The following AKAP9 variants were observed in gnomAD, a reference collection of about 807,000 sequenced individuals.
AKAP9 encodes A-kinase anchor protein 9.
AKAP9 carries 311 observed loss-of-function variants against 488.5 expected under a neutral mutation model. The ratio of observed to expected loss-of-function variants is 0.64; its 90% CI spans 0.58 to 0.70. The LOEUF is 0.70. AKAP9 is among the 30% of genes least tolerant of loss of function. AKAP9 has a pLI of 0.00. For missense variants in AKAP9, 4,215 were observed against 4,374.5 expected, an observed-to-expected ratio of 0.96 and a Z score of 1.03; for synonymous variants, 1,462 against 1,483.5, an observed-to-expected ratio of 0.99 and a Z score of 0.33.
At chr7:91,992,661 CAA>C (rs770870521) in intron 4 of AKAP9, among the ~76,000 whole-genome samples, 7 of 46,630 alleles carry the variant, frequency 1.5e-4, no homozygotes, top group African/African-American at 1.6e-4. Context: ...AAGACTCTGT[CAA>C]AAAAAAAAAA....
rs192538766 is a variant in AKAP9, at chr7:91,956,368, C to G, written c.48+15221C>G. On this transcript the variant is annotated intron_variant, in intron 1 of 49. Transcript: ENST00000356239. ...TGGGCCGAGATTGCACCACTGCACT[C>G]CAGCCTGGGCAACAGAGTGAGACTC... Among the ~76,000 whole-genome samples the G allele has an allele frequency of 8.2e-5, 12 of 146,552 alleles. No homozygotes were observed. The East Asian group carries it at 2.2e-3, about 27-fold the overall frequency.
intron 26 of AKAP9, among the ~76,000 whole-genome samples, chr7:92,067,550 T>A (rs1342000081): frequency 6.6e-6 from 1 of 152,176 alleles, no homozygotes; most frequent in Non-Finnish European, 1.5e-5. Context: ...TAAATCCCAC[T>A]TGTCACTTGT....
chr7:91,959,325 T>C (rs759893064), intron 1 of AKAP9, among the ~76,000 whole-genome samples: 1 of 152,172 alleles, frequency 6.6e-6, no homozygotes, highest in Non-Finnish European at 1.5e-5. Flanking sequence ...GATCTCACTC[T>C]GTTGCCCAGG....
At chr7:92,027,372 G>A (rs1182321696) in intron 14 of AKAP9, among the ~76,000 whole-genome samples, 45 of 146,032 alleles carry the variant, frequency 3.1e-4, no homozygotes, top group African/African-American at 1.0e-3. Context: ...CGTCTGGGAT[G>A]TGAGGAGCGC....
Position 92,038,435 on chromosome 7 carries a change from G to A in AKAP9, c.4355G>A (p.Ser1452Asn), listed in dbSNP as rs1805531517. ...TTTCTTTAGGTTATTGTGTCAATGAGTATAGCATTTGCTCAACAAACTGAA... is the reference window on the plus strand; with the variant it reads ...TTTCTTTAGGTTATTGTGTCAATGAATATAGCATTTGCTCAACAAACTGAA... ...EEVAKVIVSM[S>N]IAFAQQTELS... Residue 1452 changes from serine (S) to asparagine (N), a missense_variant, in exon 17 of 50, where the codon AGT becomes AAT. Ser to Asn is a conservative substitution (Grantham distance 46). Coordinates refer to ENST00000356239, the MANE Select transcript of AKAP9 (RefSeq NM_005751.5). 2 of 1,612,632 alleles carry A rather than the reference G, an allele frequency of 1.2e-6. No homozygotes were observed. The highest frequency in any genetic ancestry group is 1.7e-5 in the Admixed American group (1 of 59,970).
Position 91,992,891 on chromosome 7 carries a change from G to T in AKAP9, c.412G>T (p.Glu138Ter). The change falls in exon 5 of 50, where the codon GAA becomes TAA. Residue 138 changes from glutamate to a stop codon, truncating the protein, a stop_gained. Coordinates refer to ENST00000356239, the MANE Select transcript of AKAP9 (RefSeq NM_005751.5). LOFTEE classifies it high-confidence loss of function. ...AAATCTTGGATTGATTTAGGAAGAA[G>T]AATTTGGTGTTGATGATTCTTATTC... is the stretch of plus-strand genomic sequence containing the variant. ...GKPTNLLREEEFGVDDSYSEQ... is the reference protein window; with the variant it reads ...GKPTNLLREE 1 of 1,613,786 alleles carries T rather than the reference G, an allele frequency of 6.2e-7. No individual in the cohort carries two copies.
intron 31 of AKAP9, 51 bp downstream of exon 31, chr7:92,080,203 T>C: frequency 1.5e-6 from 2 of 1,339,682 alleles, no homozygotes; most frequent in East Asian, 2.5e-5. Flanking sequence ...GAAACTAAGC[T>C]GATTGCTAAT....
At chr7:92,035,796 G>A (rs961715365) in intron 16 of AKAP9, among the ~76,000 whole-genome samples, 1 of 152,136 alleles carries the variant, frequency 6.6e-6, no homozygotes, top group African/African-American at 2.4e-5. Context: ...TAATCAGTGG[G>A]AGAAGCAGGC....
rs1801311756 is a variant in AKAP9, at chr7:92,015,003, T to G, written c.3612+675T>G. On this transcript the variant is annotated intron_variant, in intron 10 of 49. Transcript: ENST00000356239. The stretch of plus-strand genomic sequence containing the variant: ...TTTCTTTGTCTGTAAATTGGGTGAT[T>G]GTTTAAGGTTTCTAAAATCAACTCT... Among the ~76,000 whole-genome samples, 3 of 152,270 alleles carry G rather than the reference T, an allele frequency of 2.0e-5. No individual in the cohort carries two copies. In the South Asian group the frequency reaches 6.2e-4, roughly 32 times the overall value.
intron 38 of AKAP9, among the ~76,000 whole-genome samples, chr7:92,091,751 T>A (rs1815677148): frequency 6.6e-6 from 1 of 152,122 alleles, no homozygotes; most frequent in Non-Finnish European, 1.5e-5. Flanking sequence ...TAGAGATAGA[T>A]TAATATTGTT....
chr7:92,081,635 T>C (rs1425158362), intron 31 of AKAP9, among the ~76,000 whole-genome samples: 1 of 151,694 alleles, frequency 6.6e-6, no homozygotes, highest in Non-Finnish European at 1.5e-5. Flanking sequence ...CTGGCCAGCT[T>C]TTACAAATTT....
chr7:92,016,700 A>G (rs897998595), intron 11 of AKAP9, among the ~76,000 whole-genome samples: 3 of 152,128 alleles, frequency 2.0e-5, no homozygotes, highest in African/African-American at 7.2e-5. Context: ...TGTTTTAACA[A>G]ATAGTAACAT....
At position 92,079,639 on chromosome 7, in the gene AKAP9, A is replaced by G. The variant is rs776261566; in HGVS notation, c.7506A>G (p.Leu2502=). 1.9e-6 allele frequency: 3 copies of G among 1,613,878 alleles called. No individual in the cohort carries two copies. The highest frequency in any genetic ancestry group is 2.5e-6 in the Non-Finnish European group (3 of 1,179,982). ...GSIINLETRL[L]QLESTVSAKD... is the part of the protein sequence containing the mutation. ...TAATTAATTTGGAAACAAGGTTGCTACAACTTGAGAGCACTGTTAGTGCAA... is the reference window on the plus strand; with the variant it reads ...TAATTAATTTGGAAACAAGGTTGCTGCAACTTGAGAGCACTGTTAGTGCAA... Residue 2502 remains leucine (L), a synonymous_variant, in exon 31 of 50, where the codon CTA becomes CTG. Coordinates refer to ENST00000356239, the MANE Select transcript of AKAP9 (RefSeq NM_005751.5).
chr7:92,054,523 GT>G (rs1808462589), intron 22 of AKAP9, among the ~76,000 whole-genome samples: 1 of 151,950 alleles, frequency 6.6e-6, no homozygotes, highest in Non-Finnish European at 1.5e-5. Flanking sequence ...ACCAAGTAAA[GT>G]TTACTTGGGA....
chr7:92,069,624 T>C (rs544714196), intron 26 of AKAP9, among the ~76,000 whole-genome samples: 1 of 152,354 alleles, frequency 6.6e-6, no homozygotes, highest in Non-Finnish European at 1.5e-5. Context: ...TTGAATTTTG[T>C]AATATTTGCA....
chr7:92,016,706 A>G (rs1209318169), intron 11 of AKAP9, among the ~76,000 whole-genome samples: 2 of 152,122 alleles, frequency 1.3e-5, no homozygotes, highest in East Asian at 1.9e-4. Context: ...AACAAATAGT[A>G]ACATCACCAC....
In AKAP9 at chr7:91,940,932, C is replaced by A; in HGVS notation, c.-168C>A. ...CGCTTCCCGTGCGGCTGAGGACGAT[C>A]CGCCAGTGAGCGCGGAGACTGCTTC... On this transcript the variant is annotated 5_prime_UTR_variant, in exon 1 of 50. Transcript: ENST00000356239. The A allele has an allele frequency of 1.3e-6, 1 of 742,886 alleles. No homozygotes were observed. 46.0% of individuals were successfully genotyped at this position (742,886 alleles called of 1,614,324 possible). A position where few individuals can be genotyped will look rare whatever the true frequency, so the allele number is the denominator to read the frequency against.
At chr7:91,981,967 G>T (rs1041569265) in intron 3 of AKAP9, among the ~76,000 whole-genome samples, 1 of 151,938 alleles carries the variant, frequency 6.6e-6, no homozygotes, top group Non-Finnish European at 1.5e-5. Flanking sequence ...TGTATCTCTG[G>T]GGGCACCCCA....
At position 92,031,604 on chromosome 7, in the gene AKAP9, G is replaced by A; in HGVS notation, c.4338G>A (p.Lys1446=). The change falls in exon 16 of 50, where the codon AAG becomes AAA. Residue 1446 remains lysine (K), a splice_region_variant and synonymous_variant. Coordinates refer to ENST00000356239, the MANE Select transcript of AKAP9 (RefSeq NM_005751.5). ...YQEQLEEEVA[K]VIVSMSIAFA... Reference sequence around the variant, plus strand: ...AACAATTAGAAGAAGAAGTAGCTAAGGTAGGCTTATAGCTTATCTGGAAGA... The same window carrying A: ...AACAATTAGAAGAAGAAGTAGCTAAAGTAGGCTTATAGCTTATCTGGAAGA... 6.3e-7 allele frequency: 1 copy of A among 1,597,942 alleles called. No homozygotes were observed. The highest frequency in any genetic ancestry group is 8.6e-7 in the Non-Finnish European group (1 of 1,165,834).
Sources: gnomAD v4.1 joint callset for allele counts (sites outside exome capture counted in the v4.1 genomes callset) on GRCh38, gnomAD v4.1.1 for gene constraint, MANE v1.5 for transcripts, NCBI Gene and HGNC (gene_info 2026-07-23, HGNC 2026-07-21) for gene names.